The following CFAP54 variants were observed in gnomAD, a reference collection of about 807,000 sequenced individuals.
CFAP54 encodes the protein cilia- and flagella-associated protein 54.
A neutral mutation model predicts 370.4 loss-of-function variants in CFAP54; 290 were observed. The observed-to-expected ratio is 0.78, with a 90% CI of 0.71 to 0.86. CFAP54 has a LOEUF of 0.86. Ranked by LOEUF, CFAP54 falls within the 40% of genes least tolerant of loss-of-function variation. CFAP54 has a pLI of 0.00. For synonymous variants in CFAP54, 1,206 were observed against 1,236.5 expected, an observed-to-expected ratio of 0.98 and a Z score of 0.52; for missense variants, 3,399 against 3,528.7, an observed-to-expected ratio of 0.96 and a Z score of 0.93.
At chr12:96,599,488 T>C (rs1459853411) in intron 26 of CFAP54, among the ~76,000 whole-genome samples, 2 of 152,200 alleles carry the variant, frequency 1.3e-5, no homozygotes, top group Non-Finnish European at 2.9e-5. Flanking sequence ...TGTGTCTTTA[T>C]AGCAGAATGA....
At position 96,772,515 on chromosome 12, in the gene CFAP54, G is replaced by A. The variant is rs115132386; in HGVS notation, c.8281+7297G>A. Among the ~76,000 whole-genome samples the A allele has an allele frequency of 4.7e-3, 711 of 151,758 alleles. 3 individuals are homozygous for A. Among genetic ancestry groups the A allele is most frequent in the African/African-American group, 0.016 (681 of 41,364 alleles). ...TCGTTTCTGCATATACAGACCCTGTGATTACATTAGGCCCACCTGGATAAC... is the reference window on the plus strand; with the variant it reads ...TCGTTTCTGCATATACAGACCCTGTAATTACATTAGGCCCACCTGGATAAC... On this transcript the variant is annotated intron_variant, in intron 60 of 67. Coordinates refer to ENST00000524981, the MANE Select transcript of CFAP54 (RefSeq NM_001306084.2).
chr12:96,643,407 G>A (rs1475705919), intron 32 of CFAP54, among the ~76,000 whole-genome samples: 1 of 151,216 alleles, frequency 6.6e-6, no homozygotes, highest in Non-Finnish European at 1.5e-5. Context: ...ATGTGTGTGT[G>A]TGTGTGTGTG....
chr12:96,825,889 T>A (rs1456102018), intron 65 of CFAP54, among the ~76,000 whole-genome samples: 1 of 138,776 alleles, frequency 7.2e-6, no homozygotes, highest in African/African-American at 2.6e-5. Flanking sequence ...CAATATATAT[T>A]CATATATAAC....
intron 32 of CFAP54, among the ~76,000 whole-genome samples, chr12:96,643,355 G>A (rs1956754783): frequency 6.7e-6 from 1 of 150,314 alleles, no homozygotes; most frequent in East Asian, 2.0e-4. Flanking sequence ...ACATCTGCCT[G>A]CCTTCTTCCT....
chr12:96,573,333 G>T (rs1955943266), intron 19 of CFAP54, among the ~76,000 whole-genome samples: 2 of 152,152 alleles, frequency 1.3e-5, no homozygotes, highest in Non-Finnish European at 2.9e-5. Flanking sequence ...TTTTGTTCAG[G>T]TAGGACTTTC....
rs935109551 is a variant in CFAP54 at position 96,732,134 on chromosome 12, G to A, written c.6966-7822G>A. ...TTTGTGTGTGTGTGTGTGTGTGTGC[G>A]GTGTGTTTTCAGACAGAGTCTTGCT... On this transcript the variant is annotated intron_variant, in intron 50 of 67. Transcript: ENST00000524981. Among the ~76,000 whole-genome samples the A allele has an allele frequency of 6.6e-5, 10 of 151,664 alleles. 1 individual carries two copies. Among genetic ancestry groups the A allele is most frequent in the East Asian group, 5.9e-4 (3 of 5,126 alleles).
In CFAP54 at chr12:96,830,764, C is replaced by T. The variant is rs12581615; in HGVS notation, c.9171+1676C>T. Among the ~76,000 whole-genome samples the T allele has an allele frequency of 9.5e-3, 1,446 of 152,164 alleles. 55 individuals are homozygous for T. In the East Asian group the frequency reaches 0.099, roughly 10 times the overall value. ...TGTGATCTTGGCTCACTGCAACCTCCACTTGCTGGGTTCAAGTGATTCTCC... is the reference window on the plus strand; with the variant it reads ...TGTGATCTTGGCTCACTGCAACCTCTACTTGCTGGGTTCAAGTGATTCTCC... On this transcript the variant is annotated intron_variant, in intron 66 of 67. Coordinates refer to ENST00000524981, the MANE Select transcript of CFAP54 (RefSeq NM_001306084.2).
At chr12:96,497,021 T>A (rs548159682) in intron 1 of CFAP54, among the ~76,000 whole-genome samples, 7 of 152,216 alleles carry the variant, frequency 4.6e-5, no homozygotes, top group African/African-American at 9.7e-5. Flanking sequence ...GAACAAATAA[T>A]GTTTTCTTCC....
intron 60 of CFAP54, among the ~76,000 whole-genome samples, chr12:96,770,188 A>ATGTG (rs57662567): frequency 0.3 from 45,874 of 150,880 alleles, 7,453 homozygotes; most frequent in Middle Eastern, 0.36. Context: ...TGAAGGTGGG[A>ATGTG]TGTGTGTGTG....
At chr12:96,870,378 AC>A (rs1718399228) in intron 67 of CFAP54, among the ~76,000 whole-genome samples, 1 of 152,186 alleles carries the variant, frequency 6.6e-6, no homozygotes, top group African/African-American at 2.4e-5. Context: ...AGGAACAACT[AC>A]CCTATGTTTG....
chr12:96,534,483 G>A (rs1052219318), intron 11 of CFAP54, among the ~76,000 whole-genome samples: 8 of 152,292 alleles, frequency 5.3e-5, no homozygotes, highest in Middle Eastern at 3.4e-3. Context: ...TATATTCTGA[G>A]TGACAGTTTT....
chr12:96,681,556 T>C (rs921348264), intron 40 of CFAP54, among the ~76,000 whole-genome samples: 1 of 152,088 alleles, frequency 6.6e-6, no homozygotes, highest in African/African-American at 2.4e-5. Flanking sequence ...GCTTTCTGGC[T>C]GACAGTCCTC....
At chr12:96,526,885 G>GTTTTTTTTTTT (rs34080505) in intron 8 of CFAP54, among the ~76,000 whole-genome samples, 6 of 97,696 alleles carry the variant, frequency 6.1e-5, no homozygotes, top group Non-Finnish European at 9.8e-5. Context: ...CTTATAACAG[G>GTTTTTTTTTTT]TTTTTTTTTT....
At chr12:96,799,068 T>G (rs1371618835) in intron 63 of CFAP54, among the ~76,000 whole-genome samples, 2 of 152,204 alleles carry the variant, frequency 1.3e-5, no homozygotes, top group East Asian at 1.9e-4. Flanking sequence ...CATATCTATA[T>G]CCATATGGAT....
intron 39 of CFAP54, among the ~76,000 whole-genome samples, chr12:96,677,479 G>A (rs576161761): frequency 2.0e-5 from 3 of 152,262 alleles, no homozygotes; most frequent in East Asian, 1.9e-4. Flanking sequence ...GAGAAACAGA[G>A]CAGAAACCTA....
At chr12:96,613,476 G>A (rs1031418436) in intron 26 of CFAP54, among the ~76,000 whole-genome samples, 19 of 151,926 alleles carry the variant, frequency 1.3e-4, no homozygotes, top group African/African-American at 3.6e-4. Context: ...AAGCAAGAGC[G>A]AACACATTCA....
chr12:96,550,910 A>G (rs1565893639), intron 15 of CFAP54, among the ~76,000 whole-genome samples: 2 of 152,218 alleles, frequency 1.3e-5, no homozygotes, highest in Non-Finnish European at 2.9e-5. Context: ...TGGGGGTTGG[A>G]AAGGAGACTC....
At chr12:96,826,562 A>T (rs1450650488) in intron 65 of CFAP54, among the ~76,000 whole-genome samples, 2 of 105,492 alleles carry the variant, frequency 1.9e-5, no homozygotes, top group Non-Finnish European at 3.4e-5. Context: ...TATAATATAT[A>T]ATATATAATA....
chr12:96,722,729 A>G (rs780304855), intron 50 of CFAP54, among the ~76,000 whole-genome samples: 10 of 152,232 alleles, frequency 6.6e-5, no homozygotes, highest in Admixed American at 3.9e-4. Flanking sequence ...GGCTATTATA[A>G]TAACAGAAAT....
Sources: gnomAD v4.1 joint callset for allele counts (sites outside exome capture counted in the v4.1 genomes callset) on GRCh38, gnomAD v4.1.1 for gene constraint, MANE v1.5 for transcripts, NCBI Gene and HGNC (gene_info 2026-07-23, HGNC 2026-07-21) for gene names.